The following SMIM10L3 variants were observed in gnomAD, a reference collection of about 807,000 sequenced individuals.
SMIM10L3 encodes small integral membrane protein 10 like 3, also known as salivary gland specific protein SAGSIN1.
chr7:6,348,930 C>G, the SMIM10L3 span: 8 of 382,776 alleles, frequency 2.1e-5, no homozygotes, highest in East Asian at 7.6e-5. Context: ...GAAGTGCCTC[C>G]GCGAGCAGCC....
At chr7:6,330,744 G>C in the SMIM10L3 span, 2 of 1,614,130 alleles carry the variant, frequency 1.2e-6, no homozygotes, top group Admixed American at 3.3e-5. Context: ...GGCCGTCAGT[G>C]GCCCTGGGCC....
At chr7:6,345,796 T>A in the SMIM10L3 span, among the ~76,000 whole-genome samples, 1 of 151,984 alleles carries the variant, frequency 6.6e-6, no homozygotes, top group African/African-American at 2.4e-5. Context: ...TGAGACAGAG[T>A]CTCGCTGTGT....
At chr7:6,342,187 CTTTT>C in the SMIM10L3 span, among the ~76,000 whole-genome samples, 1 of 152,020 alleles carries the variant, frequency 6.6e-6, no homozygotes, top group Non-Finnish European at 1.5e-5. Context: ...TCTTTCCTTT[CTTTT>C]TTCTTTCTTT....
chr7:6,334,225 G>A, the SMIM10L3 span, among the ~76,000 whole-genome samples: 1 of 150,808 alleles, frequency 6.6e-6, no homozygotes, highest in Middle Eastern at 3.4e-3. Flanking sequence ...ACTGTACCCA[G>A]CTAAAGTATT....
the SMIM10L3 span, among the ~76,000 whole-genome samples, chr7:6,339,973 C>T: frequency 1.3e-5 from 2 of 152,112 alleles, no homozygotes; most frequent in Non-Finnish European, 2.9e-5. Flanking sequence ...CAACCTCCAC[C>T]TCCTGGGTTC....
the SMIM10L3 span, among the ~76,000 whole-genome samples, chr7:6,341,694 A>C: frequency 6.6e-6 from 1 of 151,086 alleles, no homozygotes; most frequent in African/African-American, 2.4e-5. Context: ...TGTCAAAAAA[A>C]AAAAAAAAAA....
chr7:6,340,102 C>T, the SMIM10L3 span, among the ~76,000 whole-genome samples: 2 of 152,110 alleles, frequency 1.3e-5, no homozygotes, highest in South Asian at 4.2e-4. Context: ...CCAGGCTGGT[C>T]TCAAACTCCT....
chr7:6,330,369 T>C, the SMIM10L3 span: 5 of 1,605,686 alleles, frequency 3.1e-6, no homozygotes, highest in African/African-American at 1.3e-5. Context: ...TTGTTCTGCT[T>C]GTACCTTAAC....
chr7:6,347,423 G>A, the SMIM10L3 span, among the ~76,000 whole-genome samples: 1,392 of 152,108 alleles, frequency 9.2e-3, 27 homozygotes, highest in African/African-American at 0.033. Flanking sequence ...GGCTGAGTCA[G>A]GAGAATCGCT....
chr7:6,330,095 C>A, the SMIM10L3 span: 1 of 383,496 alleles, frequency 2.6e-6, no homozygotes. Context: ...ATGGTAAATC[C>A]GTATGTTCTA....
the SMIM10L3 span, chr7:6,348,501 T>A: frequency 2.4e-6 from 1 of 411,828 alleles, no homozygotes; most frequent in Non-Finnish European, 4.3e-6. Flanking sequence ...GCAGCTGCCG[T>A]GGCGTCTGCA....
At chr7:6,332,035 C>T in the SMIM10L3 span, among the ~76,000 whole-genome samples, 2 of 151,212 alleles carry the variant, frequency 1.3e-5, no homozygotes, top group East Asian at 3.9e-4. Flanking sequence ...TCGCTTGAAC[C>T]CAGGAGGTGG....
chr7:6,339,486 T>C, the SMIM10L3 span, among the ~76,000 whole-genome samples: 3 of 151,586 alleles, frequency 2.0e-5, no homozygotes, highest in East Asian at 3.9e-4. Context: ...GTACCCCTTT[T>C]TTTGTTTTTT....
At chr7:6,346,804 A>C in the SMIM10L3 span, among the ~76,000 whole-genome samples, 2 of 152,160 alleles carry the variant, frequency 1.3e-5, no homozygotes, top group African/African-American at 4.8e-5. Context: ...GATATGGCCA[A>C]ACCGACGTTA....
At chr7:6,331,237 T>C in the SMIM10L3 span, 3 of 1,362,052 alleles carry the variant, frequency 2.2e-6, no homozygotes, top group South Asian at 4.3e-5. Flanking sequence ...AATATGAACC[T>C]AGGAAAGGGA....
chr7:6,332,768 G>T, the SMIM10L3 span, among the ~76,000 whole-genome samples: 11 of 152,164 alleles, frequency 7.2e-5, no homozygotes, highest in Non-Finnish European at 1.5e-5. Flanking sequence ...AGTGGCTGAC[G>T]GGGATGGAGA....
chr7:6,334,483 G>A, the SMIM10L3 span, among the ~76,000 whole-genome samples: 1 of 151,948 alleles, frequency 6.6e-6, no homozygotes, highest in African/African-American at 2.4e-5. Flanking sequence ...CTCAAAAAAA[G>A]AAAAGATGGA....
At chr7:6,339,259 G>T in the SMIM10L3 span, among the ~76,000 whole-genome samples, 21 of 152,080 alleles carry the variant, frequency 1.4e-4, no homozygotes, top group African/African-American at 5.1e-4. Context: ...CTTGAGCCTA[G>T]GAGCCGGAGA....
the SMIM10L3 span, among the ~76,000 whole-genome samples, chr7:6,346,963 G>A: frequency 6.6e-5 from 10 of 152,272 alleles, no homozygotes; most frequent in South Asian, 2.1e-4. Context: ...GAATGCAAGA[G>A]GGGCTCAGGA....
Sources: gnomAD v4.1 joint callset for allele counts (sites outside exome capture counted in the v4.1 genomes callset) on GRCh38, gnomAD v4.1.1 for gene constraint, MANE v1.5 for transcripts, NCBI Gene and HGNC (gene_info 2026-07-23, HGNC 2026-07-21) for gene names.